The following POLR1A variants were observed in gnomAD, a reference collection of about 807,000 sequenced individuals.
The protein encoded by POLR1A is RNA polymerase I subunit A.
In POLR1A, 84 loss-of-function variants were observed where a neutral mutation model predicts 205.3. The ratio of observed to expected loss-of-function variants is 0.41; its 90% confidence interval spans 0.34 to 0.49. The LOEUF (loss-of-function observed/expected upper bound fraction) is 0.49. Ranked by LOEUF, POLR1A falls within the 20% of genes least tolerant of loss-of-function variation. The probability of loss-of-function intolerance (pLI) is 0.22; values close to 1 mark genes in which losing one functional copy is unlikely to be tolerated. For synonymous variants in POLR1A, 799 were observed against 863.7 expected (o/e 0.93, Z 1.31); for missense variants, 1,645 against 2,204.5 (o/e 0.75, Z 5.08).
At chr2:86,097,496 G>A (rs1573837338) in intron 3 of POLR1A, among the ~76,000 whole-genome samples, 2 of 152,240 alleles carry the variant, frequency 1.3e-5, no homozygotes, top group Admixed American at 1.3e-4. Context: ...CAACCTAGAT[G>A]TCCAACAATA....
At chr2:86,086,568 G>C (rs928825945) in intron 6 of POLR1A, among the ~76,000 whole-genome samples, 4 of 152,210 alleles carry the variant, frequency 2.6e-5, no homozygotes, top group Non-Finnish European at 5.9e-5. Flanking sequence ...TCACAAACAT[G>C]GTCCTTGGCA....
At chr2:86,068,386 CGGGGGG>C (rs543719645) in intron 13 of POLR1A, among the ~76,000 whole-genome samples, 1 of 12,224 alleles carries the variant, frequency 8.2e-5, no homozygotes, top group Non-Finnish European at 1.3e-4. Flanking sequence ...AGCACATGGG[CGGGGGG>C]GGGGGGCGGG....
Position 86,027,372 on chromosome 2 carries a change from A to T in POLR1A, c.*51T>A, listed in dbSNP as rs1358219449. On this transcript the variant is annotated 3_prime_UTR_variant, in exon 34 of 34. Transcript: ENST00000263857. ...TCTCATGCAGAAGGCAGGCTGGGCC[A>T]CGCCCTCACCAAGGGTCCTTGGAGC... is the stretch of plus-strand genomic sequence containing the variant. The T allele has an allele frequency of 6.9e-7, 1 of 1,458,434 alleles. No individual in the cohort carries two copies. The highest frequency in any genetic ancestry group is 1.7e-5 in the Admixed American group (1 of 59,810). The allele number at this position is 1,458,434 out of a possible 1,614,324, so 90.3% of individuals were successfully genotyped here. A position where few individuals can be genotyped will look rare whatever the true frequency, so the allele number is the denominator to read the frequency against.
intron 16 of POLR1A, 113 bp downstream of exon 16, chr2:86,052,704 C>T: frequency 1.2e-6 from 1 of 865,302 alleles, no homozygotes; most frequent in Non-Finnish European, 1.7e-6. Context: ...TGGGAACACA[C>T]AGAAGCCTTG....
In POLR1A at chr2:86,068,386, CGGGG is replaced by C. The variant is rs543719645; in HGVS notation, c.1866+1628_1866+1631del. On this transcript the variant is annotated intron_variant, in intron 13 of 33. Coordinates refer to ENST00000263857, the MANE Select transcript of POLR1A (RefSeq NM_015425.6). Reference sequence around the variant, plus strand: ...GAACACGCACAGCCAAGCACATGGGCGGGGGGGGGGGGCGGGTGTCGTCCAAAGC... The same window carrying C: ...GAACACGCACAGCCAAGCACATGGGCGGGGGGGGCGGGTGTCGTCCAAAGC... 1.6e-4 allele frequency among the ~76,000 whole-genome samples: 2 copies of C among 12,224 alleles called. 1 individual carries two copies. Among genetic ancestry groups the C allele is most frequent in the South Asian group, 8.7e-3 (2 of 230 alleles). The allele number at this position is 12,224 out of a possible 152,430, so 8.0% of individuals were successfully genotyped here.
At chr2:86,038,167 CT>C (rs1672532565) in intron 27 of POLR1A, among the ~76,000 whole-genome samples, 1 of 152,218 alleles carries the variant, frequency 6.6e-6, no homozygotes, top group Non-Finnish European at 1.5e-5. Context: ...CTTTTCCCTA[CT>C]GGACAGGAAC....
At position 86,041,101 on chromosome 2, in the gene POLR1A, A is replaced by G. The variant is rs141699573; in HGVS notation, c.3573-542T>C. ...CTGTAATTTACTAACCATTTTTCCT[A>G]TGAAGCCTGACCCTGTTAAGAACAG... is the stretch of plus-strand genomic sequence containing the variant. On this transcript the variant is annotated intron_variant, in intron 24 of 33. Coordinates refer to ENST00000263857, the MANE Select transcript of POLR1A (RefSeq NM_015425.6). 4.5e-3 allele frequency among the ~76,000 whole-genome samples: 681 copies of G among 151,370 alleles called. 3 individuals are homozygous for G. The highest frequency in any genetic ancestry group is 6.1e-3 in the Non-Finnish European group (413 of 67,894).
chr2:86,061,940 C>G (rs967132138), intron 14 of POLR1A, among the ~76,000 whole-genome samples: 1 of 152,162 alleles, frequency 6.6e-6, no homozygotes, highest in East Asian at 1.9e-4. Flanking sequence ...TGAATGTGCA[C>G]TGAGTTATAA....
rs752242589 is a variant in POLR1A, at chr2:86,030,390, C to T, written c.4585G>A (p.Val1529Met). 6.2e-7 allele frequency: 1 copy of T among 1,612,728 alleles called. No homozygotes were observed. The highest frequency in any genetic ancestry group is 8.5e-7 in the Non-Finnish European group (1 of 1,178,902). Residue 1529 changes from valine (V) to methionine (M), a missense_variant, in exon 31 of 34, where the codon GTG becomes ATG. This residue lies in a region of POLR1A where 394 missense variants were observed against 468.5 expected (regional missense o/e 0.84). Coordinates refer to ENST00000263857, the MANE Select transcript of POLR1A (RefSeq NM_015425.6). The stretch of plus-strand genomic sequence containing the variant: ...TTGATCTTCATCAGAGGGAGCTTCA[C>T]TGTCACCTGCAAAAGGAGGGAGAGC... ...TEESLWCQVT[V>M]KLPLMKINFD...
Position 86,105,838 on chromosome 2 carries a change from C to T in POLR1A, c.-62G>A. The T allele has an allele frequency of 1.4e-6, 2 of 1,412,336 alleles. No individual in the cohort carries two copies. The highest frequency in any genetic ancestry group is 2.3e-5 in the South Asian group (2 of 86,054). The allele number at this position is 1,412,336 out of a possible 1,614,324, so 87.5% of individuals were successfully genotyped here. A position where few individuals can be genotyped will look rare whatever the true frequency, so the allele number is the denominator to read the frequency against. On this transcript the variant is annotated 5_prime_UTR_variant, in exon 1 of 34. Coordinates refer to ENST00000263857, the MANE Select transcript of POLR1A (RefSeq NM_015425.6). Reference sequence around the variant, plus strand: ...ACGTTCCACTCACCACCTGACTATTCTTAATTCAACCTCAAGCCCGGAGTC... The same window carrying T: ...ACGTTCCACTCACCACCTGACTATTTTTAATTCAACCTCAAGCCCGGAGTC...
chr2:86,036,500 AG>A (rs2104384961), intron 27 of POLR1A, among the ~76,000 whole-genome samples: 1 of 151,442 alleles, frequency 6.6e-6, no homozygotes, highest in Non-Finnish European at 1.5e-5. Flanking sequence ...AAAGAAAAAG[AG>A]GGTGGCAGAG....
In POLR1A at chr2:86,075,315, T is replaced by C. The variant is rs1053674667; in HGVS notation, c.1381-55A>G. On this transcript the variant is annotated intron_variant, in intron 11 of 33. Coordinates refer to ENST00000263857, the MANE Select transcript of POLR1A (RefSeq NM_015425.6). Reference sequence around the variant, plus strand: ...AGGGCAGGGATAAAAAAAGGTCTGATGGACCCCAAATCTGTCTCAACAGGC... The same window carrying C: ...AGGGCAGGGATAAAAAAAGGTCTGACGGACCCCAAATCTGTCTCAACAGGC... 4.7e-6 allele frequency: 6 copies of C among 1,265,266 alleles called. 1 individual carries two copies. Among genetic ancestry groups the C allele is most frequent in the Middle Eastern group, 3.7e-4 (2 of 5,400 alleles). 78.4% of individuals were successfully genotyped at this position (1,265,266 alleles called of 1,614,324 possible). A position where few individuals can be genotyped will look rare whatever the true frequency, so the allele number is the denominator to read the frequency against.
chr2:86,062,365 G>A (rs1673012596), intron 14 of POLR1A, among the ~76,000 whole-genome samples: 2 of 152,128 alleles, frequency 1.3e-5, no homozygotes, highest in South Asian at 4.1e-4. Context: ...CAGTCTCTAG[G>A]CACAATGAAA....
At chr2:86,078,311 G>T in intron 9 of POLR1A, 27 bp from the exon 10 acceptor site, 1 of 1,547,074 alleles carries the variant, frequency 6.5e-7, no homozygotes, top group Non-Finnish European at 8.7e-7. Context: ...AGAAAACAGG[G>T]ATGATGGAAA....
At chr2:86,049,830 C>A (rs544749333) in intron 16 of POLR1A, among the ~76,000 whole-genome samples, 1 of 152,154 alleles carries the variant, frequency 6.6e-6, no homozygotes, top group Admixed American at 6.5e-5. Flanking sequence ...GTGAAGCCTG[C>A]CCTTCTGGCT....
At position 86,030,399 on chromosome 2, in the gene POLR1A, G is replaced by T; in HGVS notation, c.4579-3C>A. On this transcript the variant is annotated splice_polypyrimidine_tract_variant and splice_region_variant and intron_variant, in intron 30 of 33. Transcript: ENST00000263857. The stretch of plus-strand genomic sequence containing the variant: ...ATCAGAGGGAGCTTCACTGTCACCT[G>T]CAAAAGGAGGGAGAGCTGGGTAGGG... 2 of 1,608,696 alleles carry T rather than the reference G, an allele frequency of 1.2e-6. No individual in the cohort carries two copies. The highest frequency in any genetic ancestry group is 1.7e-6 in the Non-Finnish European group (2 of 1,175,394).
At chr2:86,082,366 TA>T (rs199903692) in intron 7 of POLR1A, among the ~76,000 whole-genome samples, 2 of 152,082 alleles carry the variant, frequency 1.3e-5, no homozygotes, top group Non-Finnish European at 2.9e-5. Context: ...ATATGTTGAA[TA>T]AAAAAATTTT....
At chr2:86,074,933 T>C in intron 12 of POLR1A, 97 bp downstream of exon 12, 2 of 805,546 alleles carry the variant, frequency 2.5e-6, no homozygotes, top group East Asian at 2.7e-5. Context: ...GATGGGCTCC[T>C]GTGTCAGTGC....
Position 86,070,338 on chromosome 2 carries a change from T to G in POLR1A, c.1612-66A>C. ...CAGTATCACCACGGCTCTTTCCAAG[T>G]GCTCACCTCAGCTTGACCAAGGTGT... On this transcript the variant is annotated intron_variant, in intron 12 of 33. Transcript: ENST00000263857. This position sits in a 1 kb window ranked among gnomAD's most constrained non-coding sequence, Gnocchi z 4.4. 1 of 1,511,306 alleles carries G rather than the reference T, an allele frequency of 6.6e-7. No homozygotes were observed. Among genetic ancestry groups the G allele is most frequent in the Non-Finnish European group, 8.9e-7 (1 of 1,117,880 alleles). 93.6% of individuals were successfully genotyped at this position (1,511,306 alleles called of 1,614,324 possible). A position where few individuals can be genotyped will look rare whatever the true frequency, so the allele number is the denominator to read the frequency against.
Sources: allele counts gnomAD v4.1 joint callset (sites outside exome capture counted in the v4.1 genomes callset), GRCh38; gene constraint gnomAD v4.1.1; regional missense constraint gnomAD v4.1.1; non-coding constraint Gnocchi (gnomAD v3.1); transcripts MANE v1.5; gene names NCBI Gene and HGNC (gene_info 2026-07-23, HGNC 2026-07-21).